The following DLG2 variants were observed in gnomAD, a reference collection of about 807,000 sequenced individuals.
DLG2 encodes disks large homolog 2.
DLG2 carries 45 observed loss-of-function variants against 132.5 expected under a neutral mutation model. The observed-to-expected ratio is 0.34, with a 90% CI of 0.27 to 0.44. The LOEUF (loss-of-function observed/expected upper bound fraction) is 0.44. Ranked by LOEUF, DLG2 falls within the 20% of genes least tolerant of loss-of-function variation. The pLI is 1.00. For synonymous variants in DLG2, 424 were observed against 419.6 expected, an observed-to-expected ratio of 1.01 and a Z score of -0.13; for missense variants, 1,045 against 1,196.9, an observed-to-expected ratio of 0.87 and a Z score of 1.87.
chr11:83,736,653 G>C (rs1593341982), intron 18 of DLG2, among the ~76,000 whole-genome samples: 1 of 151,922 alleles, frequency 6.6e-6, no homozygotes. Flanking sequence ...TTGTTGCTCT[G>C]TTTTAATTTC....
At chr11:84,180,581 C>CA (rs1264355720) in intron 8 of DLG2, among the ~76,000 whole-genome samples, 1 of 151,936 alleles carries the variant, frequency 6.6e-6, no homozygotes, top group Non-Finnish European at 1.5e-5. Flanking sequence ...CACAAGCAAA[C>CA]AAAAAATCCT....
At chr11:83,778,707 A>G (rs910737951) in intron 18 of DLG2, among the ~76,000 whole-genome samples, 4 of 152,094 alleles carry the variant, frequency 2.6e-5, no homozygotes, top group African/African-American at 4.8e-5. Flanking sequence ...TGTCCTTATT[A>G]TATTACTCGA....
At chr11:84,220,752 T>C (rs945623588) in intron 8 of DLG2, among the ~76,000 whole-genome samples, 2 of 150,934 alleles carry the variant, frequency 1.3e-5, no homozygotes, top group Non-Finnish European at 3.0e-5. Flanking sequence ...TTAAAAAGTG[T>C]CACGTGCTTT....
At chr11:85,591,088 C>G (rs1390099456) in intron 3 of DLG2, among the ~76,000 whole-genome samples, 3 of 152,100 alleles carry the variant, frequency 2.0e-5, no homozygotes, top group African/African-American at 7.2e-5. Flanking sequence ...AGTCAGAGTC[C>G]AGAATGATAC....
intron 8 of DLG2, among the ~76,000 whole-genome samples, chr11:84,192,307 A>G (rs2096426482): frequency 6.6e-6 from 1 of 152,256 alleles, no homozygotes; most frequent in African/African-American, 2.4e-5. Flanking sequence ...GCTAAGTAAC[A>G]GCGACATCTA....
chr11:84,401,939 A>G (rs1216091876), intron 7 of DLG2, among the ~76,000 whole-genome samples: 1 of 152,226 alleles, frequency 6.6e-6, no homozygotes, highest in Non-Finnish European at 1.5e-5. Context: ...GAACTTCCAT[A>G]AAGTATAGAA....
chr11:85,466,180 G>C (rs1157143529), intron 3 of DLG2, among the ~76,000 whole-genome samples: 1 of 152,068 alleles, frequency 6.6e-6, no homozygotes, highest in Non-Finnish European at 1.5e-5. Context: ...AAATTTGTTG[G>C]AGTTCACTGT....
chr11:84,854,273 T>A (rs1426416834), intron 6 of DLG2, among the ~76,000 whole-genome samples: 1 of 150,816 alleles, frequency 6.6e-6, no homozygotes, highest in Non-Finnish European at 1.5e-5. Context: ...GCCTAACAAG[T>A]AGAACAAAAG....
At chr11:84,915,703 T>G (rs1432294481) in intron 6 of DLG2, among the ~76,000 whole-genome samples, 3 of 152,226 alleles carry the variant, frequency 2.0e-5, no homozygotes, top group Non-Finnish European at 4.4e-5. Context: ...AATTTTTCAT[T>G]AGAGAGGAAA....
intron 7 of DLG2, among the ~76,000 whole-genome samples, chr11:84,275,487 TGGG>T (rs2097775564): frequency 6.6e-6 from 1 of 152,206 alleles, no homozygotes; most frequent in African/African-American, 2.4e-5. Context: ...CCTGAGTAGC[TGGG>T]ACTACAGGCA....
intron 3 of DLG2, among the ~76,000 whole-genome samples, chr11:85,296,055 A>G (rs188969210): frequency 4.5e-4 from 69 of 152,308 alleles, no homozygotes; most frequent in African/African-American, 1.7e-3. Context: ...AACACAGAGT[A>G]TTCAATAAAT....
At chr11:84,185,049 T>C (rs957002590) in intron 8 of DLG2, among the ~76,000 whole-genome samples, 2 of 152,216 alleles carry the variant, frequency 1.3e-5, no homozygotes, top group African/African-American at 2.4e-5. Context: ...GACTTGGCAA[T>C]GCAGGCTCTT....
intron 8 of DLG2, among the ~76,000 whole-genome samples, chr11:84,184,464 A>G (rs2096231634): frequency 1.3e-5 from 2 of 151,620 alleles, no homozygotes; most frequent in Admixed American, 1.3e-4. Context: ...TAGATTCTGG[A>G]TATTAGCCCT....
intron 18 of DLG2, among the ~76,000 whole-genome samples, chr11:83,675,362 A>C (rs149191498): frequency 1.3e-5 from 2 of 152,360 alleles, no homozygotes; most frequent in East Asian, 3.9e-4. Context: ...ACATGTACAA[A>C]AATATATTCT....
chr11:84,439,473 T>TG (rs1322624362), intron 7 of DLG2, among the ~76,000 whole-genome samples: 1 of 150,324 alleles, frequency 6.7e-6, no homozygotes, highest in African/African-American at 2.5e-5. Flanking sequence ...AACCAGGGTT[T>TG]GGTTTTTCCA....
At chr11:84,860,703 T>C (rs1248924426) in intron 6 of DLG2, among the ~76,000 whole-genome samples, 2 of 152,114 alleles carry the variant, frequency 1.3e-5, no homozygotes, top group African/African-American at 4.8e-5. Flanking sequence ...CTTCTTTTCA[T>C]TGTCAGTTTA....
At chr11:84,967,521 G>A (rs1207027329) in intron 6 of DLG2, among the ~76,000 whole-genome samples, 5 of 152,128 alleles carry the variant, frequency 3.3e-5, no homozygotes, top group African/African-American at 1.2e-4. Flanking sequence ...GATAGAAAAT[G>A]TGTTGATGTA....
chr11:85,086,177 C>T (rs2067899181), intron 6 of DLG2, among the ~76,000 whole-genome samples: 1 of 152,088 alleles, frequency 6.6e-6, no homozygotes, highest in African/African-American at 2.4e-5. Flanking sequence ...CTCATTTAGG[C>T]TACAGTGTAA....
chr11:85,225,245 T>A (rs2074904630), intron 4 of DLG2, among the ~76,000 whole-genome samples: 1 of 152,114 alleles, frequency 6.6e-6, no homozygotes, highest in Non-Finnish European at 1.5e-5. Flanking sequence ...TGCCCAGCAA[T>A]CCTTTCAGTT....
Sources: gnomAD v4.1 joint callset for allele counts (sites outside exome capture counted in the v4.1 genomes callset) on GRCh38, gnomAD v4.1.1 for gene constraint, MANE v1.5 for transcripts, NCBI Gene and HGNC (gene_info 2026-07-23, HGNC 2026-07-21) for gene names.